Variants in MED13L observed in about 807,000 individuals in gnomAD.
The protein encoded by MED13L is mediator complex subunit 13L, also known as mediator of RNA polymerase II transcription subunit 13-like.
In MED13L, 7 loss-of-function variants were observed where a neutral mutation model predicts 220.9. The observed-to-expected ratio is 0.03, with a 90% confidence interval of 0.02 to 0.06. MED13L has a LOEUF of 0.06. Among genes scored for constraint, MED13L ranks in the 10% least tolerant of loss-of-function variants. The pLI is 1.00. For synonymous variants in MED13L, 1,011 were observed against 1,015.2 expected (o/e 1.00, Z 0.08); for missense variants, 1,965 against 2,760.5 (o/e 0.71, Z 6.46).
intron 2 of MED13L, among the ~76,000 whole-genome samples, chr12:116,135,789 A>G (rs1180065124): frequency 6.6e-6 from 1 of 152,226 alleles, no homozygotes; most frequent in African/African-American, 2.4e-5. Context: ...TCAATCAGAT[A>G]CACAAAGGCT....
chr12:116,054,480 T>C (rs954115512), intron 4 of MED13L, among the ~76,000 whole-genome samples: 22 of 152,236 alleles, frequency 1.4e-4, no homozygotes, highest in African/African-American at 5.3e-4. Flanking sequence ...ACCTACTATT[T>C]AGAACTCCAA....
intron 4 of MED13L, among the ~76,000 whole-genome samples, chr12:116,056,929 A>G (rs1334648947): frequency 6.6e-6 from 1 of 152,204 alleles, no homozygotes; most frequent in Non-Finnish European, 1.5e-5. Flanking sequence ...GTCTACCTCA[A>G]AAGATTTACT....
chr12:116,068,003 T>G (rs1870081848), intron 4 of MED13L, among the ~76,000 whole-genome samples: 1 of 152,220 alleles, frequency 6.6e-6, no homozygotes, highest in Admixed American at 6.5e-5. Flanking sequence ...TCTACTTCAC[T>G]TAAGTCACTT....
intron 3 of MED13L, 36 bp downstream of exon 3, chr12:116,111,392 T>C: frequency 6.4e-7 from 1 of 1,553,964 alleles, no homozygotes; most frequent in South Asian, 1.1e-5. Flanking sequence ...TATACTTGGT[T>C]GTCTGCAAAC....
chr12:116,167,922 G>T (rs1197818382), intron 2 of MED13L, among the ~76,000 whole-genome samples: 1 of 151,950 alleles, frequency 6.6e-6, no homozygotes, highest in Non-Finnish European at 1.5e-5. Flanking sequence ...TTTATTCAAA[G>T]GAATGACATT....
At chr12:115,989,268 A>G (rs1877900434) in intron 17 of MED13L, among the ~76,000 whole-genome samples, 2 of 152,128 alleles carry the variant, frequency 1.3e-5, no homozygotes, top group African/African-American at 4.8e-5. Context: ...AGCTCTCACC[A>G]CGGTCAGAAG....
chr12:116,096,646 C>T, intron 4 of MED13L, 23 bp downstream of exon 4: 1 of 1,606,388 alleles, frequency 6.2e-7, no homozygotes, highest in Non-Finnish European at 8.5e-7. Context: ...AACCAAAAAG[C>T]CAAGAGCATT....
intron 2 of MED13L, among the ~76,000 whole-genome samples, chr12:116,193,338 CTTAT>C (rs1187863183): frequency 6.6e-6 from 1 of 152,064 alleles, no homozygotes; most frequent in Non-Finnish European, 1.5e-5. Context: ...TAACCTGAAG[CTTAT>C]TTATTTTAGA....
chr12:116,201,897 C>T (rs994103796), intron 2 of MED13L, among the ~76,000 whole-genome samples: 1 of 152,110 alleles, frequency 6.6e-6, no homozygotes, highest in Admixed American at 6.6e-5. Context: ...TTAAAACAAG[C>T]TATCATCAAA....
At chr12:116,102,485 C>G (rs1326839234) in intron 3 of MED13L, among the ~76,000 whole-genome samples, 5 of 152,124 alleles carry the variant, frequency 3.3e-5, no homozygotes, top group African/African-American at 4.8e-5. Flanking sequence ...CAGAGCATCT[C>G]ACATAGGCTA....
At chr12:115,971,346 A>T (rs1308365710) in intron 26 of MED13L, among the ~76,000 whole-genome samples, 1 of 152,212 alleles carries the variant, frequency 6.6e-6, no homozygotes, top group East Asian at 1.9e-4. Context: ...TAGTCTAATG[A>T]GGACATCTGT....
intron 16 of MED13L, 127 bp downstream of exon 16, chr12:115,996,349 C>T (rs1012207179): frequency 2.0e-4 from 212 of 1,080,632 alleles, no homozygotes; most frequent in Middle Eastern, 8.6e-4. Context: ...GCCTCCACCT[C>T]CCAAAGTGCT....
At chr12:116,208,874 T>C (rs1381973343) in intron 2 of MED13L, among the ~76,000 whole-genome samples, 2 of 152,194 alleles carry the variant, frequency 1.3e-5, no homozygotes, top group South Asian at 2.1e-4. Flanking sequence ...GAGGCTGAGA[T>C]GTGAGGATCA....
At chr12:116,094,979 T>C (rs1022174568) in intron 4 of MED13L, among the ~76,000 whole-genome samples, 7 of 152,080 alleles carry the variant, frequency 4.6e-5, no homozygotes, top group African/African-American at 9.7e-5. Flanking sequence ...AGACCAGCCA[T>C]GGCAAAACCC....
intron 4 of MED13L, among the ~76,000 whole-genome samples, chr12:116,060,700 T>G (rs1410722898): frequency 1.3e-5 from 2 of 152,076 alleles, no homozygotes; most frequent in African/African-American, 4.8e-5. Flanking sequence ...TATTAAAAAT[T>G]GGAGAAATAT....
At chr12:116,248,462 A>G (rs1871258408) in intron 1 of MED13L, among the ~76,000 whole-genome samples, 1 of 152,180 alleles carries the variant, frequency 6.6e-6, no homozygotes, top group African/African-American at 2.4e-5. Flanking sequence ...TTCAAATATC[A>G]AAGGGCTAAT....
chr12:116,142,740 G>A (rs1467531948), intron 2 of MED13L, among the ~76,000 whole-genome samples: 1 of 152,068 alleles, frequency 6.6e-6, no homozygotes, highest in Non-Finnish European at 1.5e-5. Context: ...CTAAGTTCAA[G>A]TATGCACAAT....
At chr12:116,093,856 A>G (rs1872449853) in intron 4 of MED13L, among the ~76,000 whole-genome samples, 1 of 152,160 alleles carries the variant, frequency 6.6e-6, no homozygotes, top group Non-Finnish European at 1.5e-5. Flanking sequence ...ACCAAAAAAG[A>G]CACAACTAAA....
intron 3 of MED13L, among the ~76,000 whole-genome samples, chr12:116,097,740 A>G (rs1247825188): frequency 6.6e-6 from 1 of 152,200 alleles, no homozygotes; most frequent in Non-Finnish European, 1.5e-5. Flanking sequence ...TCAAATTACA[A>G]GGTATTCTAA....
Sources: allele counts gnomAD v4.1 joint callset (sites outside exome capture counted in the v4.1 genomes callset), GRCh38; gene constraint gnomAD v4.1.1; transcripts MANE v1.5; gene names NCBI Gene and HGNC (gene_info 2026-07-23, HGNC 2026-07-21).